Variants in OLFM3 observed in about 807,000 individuals in gnomAD.
The protein encoded by OLFM3 is olfactomedin 3.
In OLFM3, 20 loss-of-function variants were observed where a neutral mutation model predicts 48.6. That is an observed-to-expected ratio of 0.41 (90% CI 0.29 to 0.60). OLFM3 has a LOEUF of 0.60. OLFM3 is among the 20% of genes least tolerant of loss of function. The probability of loss-of-function intolerance (pLI) is 0.28; values close to 1 mark genes in which losing one functional copy is unlikely to be tolerated. For synonymous variants in OLFM3, 222 were observed against 198.1 expected, an observed-to-expected ratio of 1.12 and a Z score of -1.01; for missense variants, 437 against 544.3, an observed-to-expected ratio of 0.80 and a Z score of 1.96.
At chr1:101,866,234 G>A (rs1656850536) in intron 1 of OLFM3, among the ~76,000 whole-genome samples, 1 of 151,964 alleles carries the variant, frequency 6.6e-6, no homozygotes, top group Non-Finnish European at 1.5e-5. Context: ...TTGCTGTATT[G>A]GAATTAGAAG....
At chr1:101,991,016 A>AAAAATATATATATAT (rs1553186119) in intron 1 of OLFM3, among the ~76,000 whole-genome samples, 6 of 32,212 alleles carry the variant, frequency 1.9e-4, no homozygotes, top group Non-Finnish European at 2.1e-4. Flanking sequence ...AAAAAAAAAA[A>AAAAATATATATATAT]ATATATATAT....
At chr1:101,970,537 C>G (rs1304092451) in intron 1 of OLFM3, among the ~76,000 whole-genome samples, 3 of 152,108 alleles carry the variant, frequency 2.0e-5, no homozygotes, top group Admixed American at 2.0e-4. Flanking sequence ...TTCTTTCGTA[C>G]TCCTTTTACA....
chr1:101,863,592 G>C (rs2100966513), intron 1 of OLFM3, among the ~76,000 whole-genome samples: 1 of 152,214 alleles, frequency 6.6e-6, no homozygotes, highest in South Asian at 2.1e-4. Flanking sequence ...TTGTAGGTTT[G>C]TGTGATGAGC....
intron 1 of OLFM3, among the ~76,000 whole-genome samples, chr1:101,972,476 T>C (rs1570679232): frequency 1.3e-5 from 2 of 152,230 alleles, no homozygotes; most frequent in African/African-American, 4.8e-5. Flanking sequence ...TTATCTTTCA[T>C]TGGCTAATTC....
intron 1 of OLFM3, among the ~76,000 whole-genome samples, chr1:101,933,150 T>C (rs1432439184): frequency 3.5e-4 from 44 of 125,148 alleles, no homozygotes; most frequent in African/African-American, 1.3e-3. Context: ...TGCAGTGAGC[T>C]GAGATCACGC....
intron 1 of OLFM3, among the ~76,000 whole-genome samples, chr1:101,883,640 C>T (rs12116715): frequency 0.066 from 10,026 of 151,916 alleles, 457 homozygotes; most frequent in Middle Eastern, 0.13. Flanking sequence ...CACCTGGGAA[C>T]AATATCAATT....
chr1:101,921,200 T>TACACACACACACACAC (rs142071103), intron 1 of OLFM3, among the ~76,000 whole-genome samples: 87 of 148,160 alleles, frequency 5.9e-4, no homozygotes, highest in African/African-American at 8.2e-4. Context: ...TTTAAGTTTA[T>TACACACACACACACAC]ACACACACAC....
intron 1 of OLFM3, among the ~76,000 whole-genome samples, chr1:101,971,689 A>T (rs1179920371): frequency 6.6e-6 from 1 of 152,186 alleles, no homozygotes; most frequent in Non-Finnish European, 1.5e-5. Context: ...TGACCTGAAG[A>T]TGTCTAAAAT....
rs1178939210 is a variant in OLFM3 at position 101,828,030 on chromosome 1, C to CTCTG, written c.372+2638_372+2641dup. On this transcript the variant is annotated intron_variant, in intron 3 of 5. Coordinates refer to ENST00000370103, the MANE Select transcript of OLFM3 (RefSeq NM_058170.4). ...TCATGCTCTCTCTCTCTCTCTCTCT[C>CTCTG]TCTGTCTGTCTGTCTGTCTGTCTCT... 5.2e-3 allele frequency among the ~76,000 whole-genome samples: 725 copies of CTCTG among 138,966 alleles called. 19 individuals carry two copies. Among genetic ancestry groups the CTCTG allele is most frequent in the Admixed American group, 0.048 (657 of 13,774 alleles). The allele number at this position is 138,966 out of a possible 152,430, so 91.2% of individuals were successfully genotyped here.
In OLFM3 at chr1:101,920,651, C is replaced by G. The variant is rs1477634306; in HGVS notation, c.69+76097G>C. 3.9e-5 allele frequency among the ~76,000 whole-genome samples: 6 copies of G among 152,210 alleles called. No homozygotes were observed. In the East Asian group the frequency reaches 1.2e-3, roughly 29 times the overall value. ...CAACAGTATGTAACCAGTGACTTGC[C>G]TGTATTTTTCAAATTAAGGATTGAC... On this transcript the variant is annotated intron_variant, in intron 1 of 5. Transcript: ENST00000370103.
intron 1 of OLFM3, among the ~76,000 whole-genome samples, chr1:101,931,241 T>G (rs1659435685): frequency 6.6e-6 from 1 of 152,178 alleles, no homozygotes; most frequent in South Asian, 2.1e-4. Context: ...TTTGTACAAA[T>G]GCATAAGGCC....
chr1:101,851,881 T>G (rs1656232940), intron 1 of OLFM3, among the ~76,000 whole-genome samples: 1 of 152,114 alleles, frequency 6.6e-6, no homozygotes, highest in Non-Finnish European at 1.5e-5. Flanking sequence ...GCAAGCCTGT[T>G]AAGACCCAAA....
chr1:101,951,238 A>C (rs934967814), intron 1 of OLFM3, among the ~76,000 whole-genome samples: 1 of 152,228 alleles, frequency 6.6e-6, no homozygotes, highest in Non-Finnish European at 1.5e-5. Context: ...ATAAATACAC[A>C]ATATTTGAAT....
chr1:101,879,477 G>T (rs940411224), intron 1 of OLFM3, among the ~76,000 whole-genome samples: 3 of 151,714 alleles, frequency 2.0e-5, no homozygotes, highest in Non-Finnish European at 4.4e-5. Context: ...GTTTGTAAAA[G>T]ATTTTGATTG....
intron 1 of OLFM3, among the ~76,000 whole-genome samples, chr1:101,917,032 A>T (rs1275444841): frequency 6.6e-6 from 1 of 152,212 alleles, no homozygotes; most frequent in Non-Finnish European, 1.5e-5. Context: ...GCAGTACAAC[A>T]GATTTACATT....
At chr1:101,989,655 A>T (rs1434420376) in intron 1 of OLFM3, among the ~76,000 whole-genome samples, 1 of 152,138 alleles carries the variant, frequency 6.6e-6, no homozygotes, top group African/African-American at 2.4e-5. Context: ...CTCATGAGCT[A>T]CTGAGGTGGA....
rs866800159 is a variant in OLFM3 at position 101,900,158 on chromosome 1, T to A, written c.70-63133A>T. Among the ~76,000 whole-genome samples, 6 of 152,328 alleles carry A rather than the reference T, an allele frequency of 3.9e-5. No individual in the cohort carries two copies. The Middle Eastern group carries it at 0.01, about 259-fold the overall frequency. ...TATTTATATGTTTGATGTTTCCCAC[T>A]AGAATGCAAATTCTAGAATGGCAGG... is the stretch of plus-strand genomic sequence containing the variant. On this transcript the variant is annotated intron_variant, in intron 1 of 5. Coordinates refer to ENST00000370103, the MANE Select transcript of OLFM3 (RefSeq NM_058170.4).
Position 101,812,240 on chromosome 1 carries a change from C to T in OLFM3, c.593-6058G>A, listed in dbSNP as rs188995399. 7.3e-4 allele frequency among the ~76,000 whole-genome samples: 111 copies of T among 152,012 alleles called. 1 individual carries two copies. The highest frequency in any genetic ancestry group is 2.2e-3 in the African/African-American group (93 of 41,458). On this transcript the variant is annotated intron_variant, in intron 4 of 5. Coordinates refer to ENST00000370103, the MANE Select transcript of OLFM3 (RefSeq NM_058170.4). ...TAGGAGATATACCTAATGTAAATGA[C>T]GAGTTAATGGGTGCAGCATACCAAC...
In OLFM3 at chr1:101,884,387, A is replaced by G. The variant is rs149329926; in HGVS notation, c.70-47362T>C. 7.1e-3 allele frequency among the ~76,000 whole-genome samples: 1,073 copies of G among 152,084 alleles called. 17 individuals are homozygous for G. Among genetic ancestry groups the G allele is most frequent in the African/African-American group, 0.024 (1,008 of 41,530 alleles). On this transcript the variant is annotated intron_variant, in intron 1 of 5. Transcript: ENST00000370103. ...ACCTCTGTTAACCAAGAGGCAGCAG[A>G]TAAGTTCCCAGGCACCATTAAGAAA...
Sources: allele counts gnomAD v4.1 joint callset (sites outside exome capture counted in the v4.1 genomes callset), GRCh38; gene constraint gnomAD v4.1.1; transcripts MANE v1.5; gene names NCBI Gene and HGNC (gene_info 2026-07-23, HGNC 2026-07-21).